Variants in SLC25A21 observed in about 807,000 individuals in gnomAD.
SLC25A21 encodes the protein solute carrier family 25 member 21.
SLC25A21 carries 47 observed loss-of-function variants against 43.8 expected under a neutral mutation model. The observed-to-expected ratio is 1.07, with a 90% confidence interval of 0.85 to 1.37. The LOEUF is 1.37. SLC25A21 is among the 40% of genes most tolerant of loss of function. SLC25A21 has a pLI of 0.00. For missense variants in SLC25A21, 352 were observed against 350.2 expected (o/e 1.00, Z -0.04); for synonymous variants, 131 against 121.3 (o/e 1.08, Z -0.52).
intron 1 of SLC25A21, among the ~76,000 whole-genome samples, chr14:36,984,022 A>G (rs1960089982): frequency 6.6e-6 from 1 of 152,128 alleles, no homozygotes; most frequent in Non-Finnish European, 1.5e-5. Flanking sequence ...AAAATTACCT[A>G]TTGGGTATAA....
chr14:36,876,932 G>GATAGATAA (rs376120522), intron 1 of SLC25A21, among the ~76,000 whole-genome samples: 3,995 of 149,860 alleles, frequency 0.027, 83 homozygotes, highest in East Asian at 0.069. Context: ...TAGATAGATA[G>GATAGATAA]ATAGATACAC....
At chr14:36,706,524 C>T (rs1052590666) in intron 7 of SLC25A21, among the ~76,000 whole-genome samples, 2 of 152,120 alleles carry the variant, frequency 1.3e-5, no homozygotes, top group African/African-American at 2.4e-5. Context: ...ACGGACTTAA[C>T]GTCGGCACTT....
chr14:36,983,675 C>T (rs902374056), intron 1 of SLC25A21, among the ~76,000 whole-genome samples: 1 of 152,148 alleles, frequency 6.6e-6, no homozygotes, highest in Non-Finnish European at 1.5e-5. Context: ...CACCAAAAAT[C>T]ACCTGCACTC....
intron 1 of SLC25A21, among the ~76,000 whole-genome samples, chr14:37,167,473 G>A (rs1964048938): frequency 3.3e-5 from 5 of 152,222 alleles, no homozygotes; most frequent in African/African-American, 1.2e-4. Flanking sequence ...CCTGGGTATA[G>A]GCCAAACTAA....
intron 2 of SLC25A21, among the ~76,000 whole-genome samples, chr14:36,864,371 T>C (rs2138537177): frequency 6.6e-6 from 1 of 152,338 alleles, no homozygotes; most frequent in South Asian, 2.1e-4. Flanking sequence ...CTCTATTCCT[T>C]CCAAATATGT....
At chr14:36,813,878 T>C in intron 3 of SLC25A21, 40 bp downstream of exon 3, 2 of 1,365,614 alleles carry the variant, frequency 1.5e-6, no homozygotes, top group Non-Finnish European at 2.1e-6. Context: ...ACATGTTAAG[T>C]AGAAACATAT....
chr14:37,064,962 C>A (rs544126334), intron 1 of SLC25A21, among the ~76,000 whole-genome samples: 1 of 152,246 alleles, frequency 6.6e-6, no homozygotes, highest in Admixed American at 6.5e-5. Context: ...CTACCAAACC[C>A]CCAGGATACA....
intron 9 of SLC25A21, among the ~76,000 whole-genome samples, chr14:36,683,471 G>A (rs1376665564): frequency 3.3e-5 from 5 of 152,176 alleles, no homozygotes; most frequent in South Asian, 2.1e-4. Context: ...ACGAGGAAAC[G>A]TTTGACTGGG....
At chr14:36,992,429 A>T (rs953198273) in intron 1 of SLC25A21, among the ~76,000 whole-genome samples, 8 of 97,646 alleles carry the variant, frequency 8.2e-5, no homozygotes, top group Non-Finnish European at 1.2e-4. Flanking sequence ...AATAAATAAT[A>T]AAAAAATTTT....
intron 1 of SLC25A21, among the ~76,000 whole-genome samples, chr14:36,888,180 T>C (rs1890976843): frequency 6.6e-6 from 1 of 152,182 alleles, no homozygotes; most frequent in Non-Finnish European, 1.5e-5. Context: ...GCCTACTAGG[T>C]TCAAATAGCT....
At position 36,723,837 on chromosome 14, in the gene SLC25A21, T is replaced by C. The variant is rs78924689; in HGVS notation, c.438+1733A>G. On this transcript the variant is annotated intron_variant, in intron 6 of 9. Coordinates refer to ENST00000331299, the MANE Select transcript of SLC25A21 (RefSeq NM_030631.4). ...ATGCTCTGTCCCATTTGAGTCCTTGTGGTTACATGCTGCCTAGATAAAGAA... is the reference window on the plus strand; with the variant it reads ...ATGCTCTGTCCCATTTGAGTCCTTGCGGTTACATGCTGCCTAGATAAAGAA... Among the ~76,000 whole-genome samples, 1,067 of 152,330 alleles carry C rather than the reference T, an allele frequency of 7.0e-3. 13 individuals are homozygous for C. Among genetic ancestry groups the C allele is most frequent in the Middle Eastern group, 0.024 (7 of 294 alleles).
At chr14:37,106,490 T>A (rs1037637388) in intron 1 of SLC25A21, among the ~76,000 whole-genome samples, 23 of 152,074 alleles carry the variant, frequency 1.5e-4, no homozygotes, top group African/African-American at 4.8e-4. Context: ...GGGGAAAAAC[T>A]CCACCCTGGT....
chr14:36,713,383 C>G (rs1313102973), intron 6 of SLC25A21, among the ~76,000 whole-genome samples: 1 of 152,078 alleles, frequency 6.6e-6, no homozygotes, highest in Non-Finnish European at 1.5e-5. Context: ...TCGGTGAGAG[C>G]TGACAAATAT....
chr14:37,108,168 G>A (rs550430989), intron 1 of SLC25A21, among the ~76,000 whole-genome samples: 8 of 152,260 alleles, frequency 5.3e-5, no homozygotes, highest in South Asian at 2.1e-4. Context: ...GTAAATGTAC[G>A]GTGCAGTATT....
chr14:36,944,043 G>T (rs1892627212), intron 1 of SLC25A21, among the ~76,000 whole-genome samples: 1 of 152,088 alleles, frequency 6.6e-6, no homozygotes, highest in Non-Finnish European at 1.5e-5. Flanking sequence ...AATTCCCTCT[G>T]AAATCCCAAA....
At chr14:36,780,124 T>C (rs1886998593) in intron 3 of SLC25A21, among the ~76,000 whole-genome samples, 1 of 151,958 alleles carries the variant, frequency 6.6e-6, no homozygotes, top group Admixed American at 6.6e-5. Context: ...TATCAATTTG[T>C]TGGCATATAA....
intron 3 of SLC25A21, among the ~76,000 whole-genome samples, chr14:36,741,747 A>T (rs1050462949): frequency 1.4e-4 from 21 of 152,186 alleles, no homozygotes; most frequent in African/African-American, 5.1e-4. Context: ...TTTGCCAAAA[A>T]CCTGGCATTC....
chr14:36,700,048 G>C (rs984456712), intron 7 of SLC25A21, among the ~76,000 whole-genome samples: 22 of 152,144 alleles, frequency 1.4e-4, no homozygotes, highest in African/African-American at 5.3e-4. Context: ...TGGGAGTGCA[G>C]ACTGGAGCTG....
At chr14:36,680,806 G>GC (rs1882211278) in intron 9 of SLC25A21, 87 bp from the exon 10 acceptor site, 3 of 1,211,588 alleles carry the variant, frequency 2.5e-6, no homozygotes, top group Non-Finnish European at 3.6e-6. Flanking sequence ...ATGATGTCTC[G>GC]CACAGCCTGT....
Sources: allele counts gnomAD v4.1 joint callset (sites outside exome capture counted in the v4.1 genomes callset), GRCh38; gene constraint gnomAD v4.1.1; transcripts MANE v1.5; gene names NCBI Gene and HGNC (gene_info 2026-07-23, HGNC 2026-07-21).